Variants in IQSEC1 observed in about 807,000 individuals in gnomAD.
IQSEC1 encodes IQ motif and SEC7 domain-containing protein 1.
A neutral mutation model predicts 91.0 loss-of-function variants in IQSEC1; 31 were observed. The ratio of observed to expected loss-of-function variants is 0.34; its 90% confidence interval spans 0.26 to 0.46. The LOEUF (loss-of-function observed/expected upper bound fraction) is 0.46. Among genes scored for constraint, IQSEC1 ranks in the 20% least tolerant of loss-of-function variants. The probability of loss-of-function intolerance (pLI) is 1.00; values close to 1 mark genes in which losing one functional copy is unlikely to be tolerated. For synonymous variants in IQSEC1, 699 were observed against 662.6 expected, an observed-to-expected ratio of 1.05 and a Z score of -0.84; for missense variants, 1,388 against 1,575.6, an observed-to-expected ratio of 0.88 and a Z score of 2.02.
intron 1 of IQSEC1, among the ~76,000 whole-genome samples, chr3:13,165,454 C>G (rs1229088467): frequency 1.4e-5 from 2 of 138,046 alleles, no homozygotes. Flanking sequence ...TTTGAAAGTT[C>G]TTATTTTTTG....
intron 13 of IQSEC1, 93 bp downstream of exon 13, chr3:12,902,670 CAAAAAAAAAA>C (rs1213830618): frequency 7.7e-4 from 149 of 192,646 alleles, no homozygotes; most frequent in Middle Eastern, 3.0e-3. Context: ...AAAAAAAAAC[CAAAAAAAAAA>C]AAAAAAAAAA....
At chr3:12,981,458 G>C (rs527798335) in intron 1 of IQSEC1, among the ~76,000 whole-genome samples, 22 of 152,146 alleles carry the variant, frequency 1.4e-4, no homozygotes, top group East Asian at 7.7e-4. Context: ...GACATCTCTG[G>C]GGGGGAGAAC....
intron 2 of IQSEC1, among the ~76,000 whole-genome samples, chr3:13,079,008 A>T (rs983097782): frequency 3.9e-5 from 6 of 152,256 alleles, no homozygotes; most frequent in Non-Finnish European, 8.8e-5. Context: ...ACCAATAAAC[A>T]TTCAAAGAAG....
At chr3:13,172,804 G>A (rs904680835) in intron 1 of IQSEC1, among the ~76,000 whole-genome samples, 2 of 152,166 alleles carry the variant, frequency 1.3e-5, no homozygotes, top group African/African-American at 2.4e-5. Context: ...CGGCCAGTAC[G>A]GTGAGCTCTG....
intron 1 of IQSEC1, among the ~76,000 whole-genome samples, chr3:13,233,793 G>T (rs911891303): frequency 2.6e-5 from 4 of 152,274 alleles, no homozygotes; most frequent in Non-Finnish European, 4.4e-5. Context: ...CTCCCGGCAG[G>T]CTCCTGGGGA....
At chr3:12,971,406 A>C (rs1353090046) in intron 1 of IQSEC1, among the ~76,000 whole-genome samples, 1 of 152,214 alleles carries the variant, frequency 6.6e-6, no homozygotes, top group African/African-American at 2.4e-5. Context: ...AAGGATATTA[A>C]TTATTTGAAA....
intron 1 of IQSEC1, among the ~76,000 whole-genome samples, chr3:13,198,172 G>C: frequency 6.6e-6 from 1 of 152,266 alleles, no homozygotes; most frequent in African/African-American, 2.4e-5. Context: ...GCCCCACAGA[G>C]GACCCCTATA....
upstream of IQSEC1, among the ~76,000 whole-genome samples, chr3:13,076,313 A>G (rs573627077): frequency 6.6e-5 from 10 of 152,282 alleles, no homozygotes; most frequent in Admixed American, 6.5e-5. Flanking sequence ...TTGCCTCATC[A>G]TTGTGGACTG....
intron 1 of IQSEC1, among the ~76,000 whole-genome samples, chr3:13,190,419 A>T (rs1002874585): frequency 2.0e-5 from 3 of 152,096 alleles, no homozygotes; most frequent in African/African-American, 4.8e-5. Context: ...TAAAATAAAA[A>T]AAATTAGCCA....
chr3:13,154,779 C>T (rs527844210), intron 2 of IQSEC1, among the ~76,000 whole-genome samples: 2 of 151,932 alleles, frequency 1.3e-5, no homozygotes, highest in African/African-American at 4.8e-5. Flanking sequence ...CTTCTGGGAC[C>T]ACAGTGGGAT....
intron 1 of IQSEC1, among the ~76,000 whole-genome samples, chr3:12,959,332 A>G (rs1003873388): frequency 1.3e-5 from 2 of 152,148 alleles, no homozygotes; most frequent in African/African-American, 4.8e-5. Flanking sequence ...GACCCTGCGG[A>G]GCTTGAAGCT....
Position 12,984,754 on chromosome 3 carries a change from C to T in IQSEC1, c.24-42889G>A, listed in dbSNP as rs534847995. On this transcript the variant is annotated intron_variant, in intron 1 of 13. Coordinates refer to ENST00000613206, the MANE Select transcript of IQSEC1 (RefSeq NM_001134382.3). ...CAAGATCAAGAGAAAACATGTTAGC[C>T]AGACTTAGCACTGCCTTCAGCTTCC... is the stretch of plus-strand genomic sequence containing the variant. 6.6e-5 allele frequency among the ~76,000 whole-genome samples: 10 copies of T among 151,822 alleles called. No individual in the cohort carries two copies. The South Asian group carries it at 1.9e-3, about 28-fold the overall frequency.
At chr3:13,254,615 T>C (rs13092502) in intron 1 of IQSEC1, among the ~76,000 whole-genome samples, 5,225 of 152,304 alleles carry the variant, frequency 0.034, 116 homozygotes, top group South Asian at 0.093. Flanking sequence ...GCTTTGGCAT[T>C]TGAGTAAAGC....
chr3:13,032,358 C>T (rs1576192812), intron 1 of IQSEC1, among the ~76,000 whole-genome samples: 1 of 152,210 alleles, frequency 6.6e-6, no homozygotes, highest in African/African-American at 2.4e-5. Flanking sequence ...CACACCCCGG[C>T]TGGCCCTGTG....
chr3:12,945,136 G>C (rs1699094479), intron 1 of IQSEC1, among the ~76,000 whole-genome samples: 3 of 152,198 alleles, frequency 2.0e-5, no homozygotes, highest in Admixed American at 2.0e-4. Context: ...AACTCAGAAT[G>C]GGCAGGAGAT....
chr3:13,105,464 C>T (rs1317461277), intron 2 of IQSEC1, among the ~76,000 whole-genome samples: 2 of 152,168 alleles, frequency 1.3e-5, no homozygotes, highest in Non-Finnish European at 2.9e-5. Context: ...AGGGACAGAA[C>T]CTCTGGCTTT....
rs989898172 is a variant in IQSEC1, at chr3:12,900,920, C to T, written c.*63G>A. On this transcript the variant is annotated 3_prime_UTR_variant, in exon 14 of 14. Coordinates refer to ENST00000613206, the MANE Select transcript of IQSEC1 (RefSeq NM_001134382.3). ...CGGGTTTGGTGTGCGGCTGGCGACC[C>T]CCGGGCGTGCCCTGTGTGGTGTGCA... is the stretch of plus-strand genomic sequence containing the variant. The T allele has an allele frequency of 1.3e-6, 2 of 1,536,424 alleles. No individual in the cohort carries two copies. The highest frequency in any genetic ancestry group is 2.7e-5 in the African/African-American group (2 of 72,904).
At chr3:13,188,704 C>A (rs1466859226) in intron 1 of IQSEC1, among the ~76,000 whole-genome samples, 1 of 152,224 alleles carries the variant, frequency 6.6e-6, no homozygotes, top group Non-Finnish European at 1.5e-5. Context: ...GCTCAACCTA[C>A]CGAGCTAGAA....
chr3:13,238,345 T>G (rs1327873538), intron 1 of IQSEC1, among the ~76,000 whole-genome samples: 1 of 152,120 alleles, frequency 6.6e-6, no homozygotes, highest in Non-Finnish European at 1.5e-5. Flanking sequence ...TGCACTTCTC[T>G]TGCACCCCAA....
Sources: gnomAD v4.1 joint callset for allele counts (sites outside exome capture counted in the v4.1 genomes callset) on GRCh38, gnomAD v4.1.1 for gene constraint, MANE v1.5 for transcripts, NCBI Gene and HGNC (gene_info 2026-07-23, HGNC 2026-07-21) for gene names.